The following KCNK2 variants were observed in gnomAD, a reference collection of about 807,000 sequenced individuals.
KCNK2 encodes the protein potassium two pore domain channel subfamily K member 2.
KCNK2 carries 21 observed loss-of-function variants against 40.5 expected under a neutral mutation model. The ratio of observed to expected loss-of-function variants is 0.52; its 90% CI spans 0.37 to 0.75. The LOEUF (loss-of-function observed/expected upper bound fraction) is 0.75. KCNK2 is among the 30% of genes least tolerant of loss of function. KCNK2 has a pLI of 0.00. For synonymous variants in KCNK2, 191 were observed against 202.2 expected (o/e 0.94, Z 0.47); for missense variants, 399 against 531.6 (o/e 0.75, Z 2.45).
At chr1:215,079,610 G>T (rs1017408824), upstream of KCNK2, among the ~76,000 whole-genome samples, 2 of 152,118 alleles carry the variant, frequency 1.3e-5, no homozygotes, top group Non-Finnish European at 2.9e-5. Context: ...CCTCCCACCA[G>T]GGCAATCCTC....
At chr1:215,012,440 T>C (rs1311741758) in intron 1 of KCNK2, among the ~76,000 whole-genome samples, 4 of 151,796 alleles carry the variant, frequency 2.6e-5, no homozygotes, top group Admixed American at 6.6e-5. Flanking sequence ...TTATCTTCTT[T>C]AGTAAAATAT....
intron 6 of KCNK2, among the ~76,000 whole-genome samples, chr1:215,198,513 C>T (rs10157448): frequency 0.091 from 13,767 of 152,058 alleles, 1,025 homozygotes; most frequent in African/African-American, 0.21. Context: ...CAATGGAAAA[C>T]GATTATTAGA....
At chr1:215,027,863 A>G (rs2102483127) in intron 1 of KCNK2, among the ~76,000 whole-genome samples, 1 of 152,264 alleles carries the variant, frequency 6.6e-6, no homozygotes, top group South Asian at 2.1e-4. Flanking sequence ...GGCCAACAAA[A>G]GTTTCTTTAG....
intron 2 of KCNK2, among the ~76,000 whole-genome samples, chr1:215,097,933 A>G (rs1333317997): frequency 6.6e-6 from 1 of 151,976 alleles, no homozygotes; most frequent in African/African-American, 2.4e-5. Context: ...CTTCACACCT[A>G]TTTTATCATT....
chr1:215,134,993 T>C (rs1393775273), intron 3 of KCNK2, among the ~76,000 whole-genome samples: 1 of 152,060 alleles, frequency 6.6e-6, no homozygotes, highest in African/African-American at 2.4e-5. Context: ...GCATACATGT[T>C]TTAATAGATA....
chr1:215,010,139 T>C (rs1488631364), intron 1 of KCNK2, among the ~76,000 whole-genome samples: 1 of 152,180 alleles, frequency 6.6e-6, no homozygotes, highest in Admixed American at 6.5e-5. Context: ...TAATCAGATG[T>C]CTTCCTTGGT....
At chr1:215,218,764 TTAG>T (rs764167807) in intron 6 of KCNK2, among the ~76,000 whole-genome samples, 1 of 152,230 alleles carries the variant, frequency 6.6e-6, no homozygotes, top group Non-Finnish European at 1.5e-5. Flanking sequence ...TTGTAAATTA[TTAG>T]TAGTAAAAAA....
At chr1:215,057,031 T>C (rs1391464046) in intron 1 of KCNK2, among the ~76,000 whole-genome samples, 1 of 152,212 alleles carries the variant, frequency 6.6e-6, no homozygotes, top group South Asian at 2.1e-4. Flanking sequence ...AGAGTGAGTT[T>C]GTGTAAGTTT....
At chr1:215,034,476 A>G (rs1657316675) in intron 1 of KCNK2, among the ~76,000 whole-genome samples, 1 of 152,078 alleles carries the variant, frequency 6.6e-6, no homozygotes, top group Non-Finnish European at 1.5e-5. Flanking sequence ...GTAAGCATGT[A>G]TCTAACTTTA....
intron 5 of KCNK2, among the ~76,000 whole-genome samples, chr1:215,175,455 T>TG (rs201033065): frequency 0.11 from 17,460 of 152,028 alleles, 1,368 homozygotes; most frequent in Non-Finnish European, 0.17. Flanking sequence ...TCTGATTTTT[T>TG]TTTTGTTTTG....
At position 215,236,622 on chromosome 1, in the gene KCNK2, C is replaced by T. The variant is rs1161436086; in HGVS notation, c.*1477C>T. On this transcript the variant is annotated 3_prime_UTR_variant, in exon 7 of 7. Transcript: ENST00000444842. ...AGATTCAGAAAAAATTCAGTAAATG[C>T]ACCCCGTAAATTGCTACCCTTTCCT... The T allele has an allele frequency of 6.6e-6, 1 of 152,322 alleles. No individual in the cohort carries two copies. Among genetic ancestry groups the T allele is most frequent in the Non-Finnish European group, 1.5e-5 (1 of 67,994 alleles). 9.4% of individuals were successfully genotyped at this position (152,322 alleles called of 1,614,324 possible). A position where few individuals can be genotyped will look rare whatever the true frequency, so the allele number is the denominator to read the frequency against.
intron 1 of KCNK2, among the ~76,000 whole-genome samples, chr1:215,085,363 G>GC (rs1659383656): frequency 1.3e-5 from 2 of 151,974 alleles, no homozygotes; most frequent in Non-Finnish European, 2.9e-5. Flanking sequence ...CCTGTAGTAG[G>GC]TGTTTTATTT....
chr1:215,134,508 T>C (rs948578617), intron 3 of KCNK2, among the ~76,000 whole-genome samples: 3 of 152,344 alleles, frequency 2.0e-5, no homozygotes, highest in Middle Eastern at 3.4e-3. Context: ...CCATGTGTTC[T>C]GCAACCCCAA....
intron 6 of KCNK2, among the ~76,000 whole-genome samples, chr1:215,219,496 A>G (rs1359827066): frequency 1.3e-5 from 2 of 152,192 alleles, no homozygotes; most frequent in Non-Finnish European, 2.9e-5. Context: ...GCCAAAGTGA[A>G]TTGATACCCA....
chr1:215,040,452 A>T lies in KCNK2; in HGVS notation c.34+34497A>T, dbSNP rs1385126226. 9.2e-5 allele frequency among the ~76,000 whole-genome samples: 14 copies of T among 152,274 alleles called. No homozygotes were observed. In the East Asian group the frequency reaches 2.5e-3, roughly 27 times the overall value. On this transcript the variant is annotated intron_variant, in intron 1 of 6. Transcript: ENST00000391895. The stretch of plus-strand genomic sequence containing the variant: ...ACATTATTCATTAGGATTACACCAG[A>T]TGTGGCTCAGCTTCTAAGTAATTGT...
intron 3 of KCNK2, among the ~76,000 whole-genome samples, chr1:215,143,209 G>A (rs72735362): frequency 0.054 from 8,282 of 152,102 alleles, 297 homozygotes; most frequent in Middle Eastern, 0.11. Flanking sequence ...TGTGCTATGC[G>A]TGTGTGTGTC....
chr1:215,135,723 T>TC (rs1661875406), intron 3 of KCNK2, among the ~76,000 whole-genome samples: 1 of 151,500 alleles, frequency 6.6e-6, no homozygotes, highest in Non-Finnish European at 1.5e-5. Context: ...CCAGTTATTT[T>TC]TTATTTTATT....
intron 1 of KCNK2, among the ~76,000 whole-genome samples, chr1:215,055,061 C>T (rs1658109876): frequency 6.6e-6 from 1 of 152,164 alleles, no homozygotes; most frequent in Admixed American, 6.5e-5. Context: ...AATATCATAA[C>T]TTATTATTAA....
At chr1:215,186,091 G>A (rs2102654123) in intron 5 of KCNK2, among the ~76,000 whole-genome samples, 1 of 152,276 alleles carries the variant, frequency 6.6e-6, no homozygotes, top group African/African-American at 2.4e-5. Context: ...CCCAGGGAAT[G>A]AGCAAGAAAA....
Sources: gnomAD v4.1 joint callset for allele counts (sites outside exome capture counted in the v4.1 genomes callset) on GRCh38, gnomAD v4.1.1 for gene constraint, MANE v1.5 for transcripts, NCBI Gene and HGNC (gene_info 2026-07-23, HGNC 2026-07-21) for gene names.